The following CCNT2 variants were observed in gnomAD, a reference collection of about 807,000 sequenced individuals.
CCNT2 encodes the protein cyclin T2, also known as cyclin-T2.
CCNT2 carries 18 observed loss-of-function variants against 70.0 expected under a neutral mutation model. That is an observed-to-expected ratio of 0.26 (90% CI 0.18 to 0.38). CCNT2 has a LOEUF of 0.38. Ranked by LOEUF, CCNT2 falls within the 10% of genes least tolerant of loss-of-function variation. The probability of loss-of-function intolerance (pLI) is 1.00; values close to 1 mark genes in which losing one functional copy is unlikely to be tolerated. For missense variants in CCNT2, 734 were observed against 890.2 expected (o/e 0.82, Z 2.23); for synonymous variants, 334 against 313.3 (o/e 1.07, Z -0.70).
chr2:134,943,699 A>G (rs1390730137), intron 5 of CCNT2: 2 of 985,008 alleles, frequency 2.0e-6, no homozygotes, highest in Non-Finnish European at 2.4e-6. Context: ...TTGTATCCCT[A>G]GAAATATTTT....
rs1276534821 is a variant in CCNT2, at chr2:134,953,353, A to G, written c.898A>G (p.Ser300Gly). Residue 300 changes from serine (S) to glycine (G), a missense_variant, in exon 9 of 9, where the codon AGT becomes GGT. Ser to Gly is a moderately conservative substitution (Grantham distance 56, BLOSUM62 0). This residue lies in a region of CCNT2 where 532 missense variants were observed against 556.9 expected (regional missense o/e 0.96). Transcript: ENST00000264157. The part of the protein sequence containing the change: ...DSVTGVPTNP[S>G]FQKPSTSAFP... ...TGTCACTGGTGTGCCTACAAACCCAAGTTTTCAGAAACCATCTACATCAGC... is the reference window on the plus strand; with the variant it reads ...TGTCACTGGTGTGCCTACAAACCCAGGTTTTCAGAAACCATCTACATCAGC... The G allele has an allele frequency of 1.2e-6, 2 of 1,605,732 alleles. No individual in the cohort carries two copies. Among genetic ancestry groups the G allele is most frequent in the Middle Eastern group, 1.6e-4 (1 of 6,082 alleles).
chr2:134,950,817 T>C (rs943720757), intron 7 of CCNT2, among the ~76,000 whole-genome samples: 9 of 152,218 alleles, frequency 5.9e-5, no homozygotes, highest in Admixed American at 5.9e-4. Flanking sequence ...TTTGTGCATA[T>C]AGCTAATTAA....
intron 5 of CCNT2, chr2:134,943,357 T>A (rs1252353011): frequency 1.2e-6 from 1 of 806,968 alleles, no homozygotes; most frequent in South Asian, 5.6e-5. Context: ...GCCCAGATCA[T>A]GCCCCTGCAC....
chr2:134,921,908 G>A (rs1252796157), intron 2 of CCNT2, among the ~76,000 whole-genome samples: 10 of 152,124 alleles, frequency 6.6e-5, no homozygotes, highest in Admixed American at 6.5e-4. Context: ...AGTAATAATT[G>A]AAATCTGTTC....
chr2:134,939,192 G>A, intron 4 of CCNT2, 130 bp downstream of exon 4: 3 of 635,924 alleles, frequency 4.7e-6, no homozygotes, highest in Non-Finnish European at 8.2e-6. Flanking sequence ...GACAGAATAA[G>A]GTTGCCTGGT....
At chr2:134,946,333 A>G in intron 6 of CCNT2, 187 bp downstream of exon 6, 1 of 1,213,142 alleles carries the variant, frequency 8.2e-7, no homozygotes, top group Non-Finnish European at 1.1e-6. Flanking sequence ...GGTTAAATGC[A>G]CAATGTGAAG....
chr2:134,950,482 T>C (rs1682402457), intron 7 of CCNT2, among the ~76,000 whole-genome samples: 2 of 151,980 alleles, frequency 1.3e-5, no homozygotes, highest in East Asian at 3.9e-4. Context: ...CTACTAAAAA[T>C]ACACACAAAC....
Position 134,947,814 on chromosome 2 carries a change from GT to G in CCNT2, c.619del (p.Ser207ProfsTer24). The G allele has an allele frequency of 6.4e-7, 1 of 1,562,292 alleles. No homozygotes were observed. On this transcript the variant is annotated frameshift_variant, in exon 7 of 9. Transcript: ENST00000264157. LOFTEE classifies it high-confidence loss of function. ...TATGCATTCATTTGGCTTGCAAATGGTCCAATTGGGAGATCCCTGTATCAAC... is the reference window on the plus strand; with the variant it reads ...TATGCATTCATTTGGCTTGCAAATGGCCAATTGGGAGATCCCTGTATCAAC... ...CVCIHLACKW[S>X]NWEIPVSTDG...
rs1325657143 is a variant in CCNT2 at position 134,919,858 on chromosome 2, T to C, written c.207T>C (p.Tyr69=). The C allele has an allele frequency of 1.2e-6, 2 of 1,613,066 alleles. No homozygotes were observed. Among genetic ancestry groups the C allele is most frequent in the East Asian group, 2.2e-5 (1 of 44,842 alleles). The part of the protein sequence containing the change: ...NTAIVYMHRF[Y]MHHSFTKFNK... The stretch of plus-strand genomic sequence containing the variant: ...CGATTGTTTATATGCACAGGTTTTA[T>C]ATGCACCATTCTTTCACCAAATTCA... The change falls in exon 2 of 9, where the codon TAT becomes TAC. Residue 69 remains tyrosine (Y), a synonymous_variant. Transcript: ENST00000264157.
chr2:134,950,957 A>C (rs541235308), intron 7 of CCNT2, among the ~76,000 whole-genome samples: 3 of 152,352 alleles, frequency 2.0e-5, no homozygotes, highest in South Asian at 4.1e-4. Flanking sequence ...AAGTGTATTT[A>C]ATGTTTTACA....
intron 7 of CCNT2, among the ~76,000 whole-genome samples, chr2:134,949,158 C>A (rs1457076427): frequency 1.3e-5 from 2 of 152,120 alleles, no homozygotes; most frequent in Non-Finnish European, 2.9e-5. Flanking sequence ...GGAGCTGGGA[C>A]CATAGGCGCA....
In CCNT2 at chr2:134,924,006, A is replaced by G. The variant is rs78075833; in HGVS notation, c.240+4115A>G. On this transcript the variant is annotated intron_variant, in intron 2 of 8. Coordinates refer to ENST00000264157, the MANE Select transcript of CCNT2 (RefSeq NM_058241.3). ...ATAAGTCCCAAATTCCTCTTTTTCA[A>G]CTATACATCAGTGTTAGCATTTATG... 2.3e-3 allele frequency among the ~76,000 whole-genome samples: 347 copies of G among 152,306 alleles called. 1 individual carries two copies. The highest frequency in any genetic ancestry group is 7.8e-3 in the African/African-American group (322 of 41,548).
rs553568736 is a variant in CCNT2 at position 134,922,781 on chromosome 2, G to T, written c.240+2890G>T. Among the ~76,000 whole-genome samples, 34 of 152,272 alleles carry T rather than the reference G, an allele frequency of 2.2e-4. No homozygotes were observed. The South Asian group carries it at 3.1e-3, about 14-fold the overall frequency. On this transcript the variant is annotated intron_variant, in intron 2 of 8. Coordinates refer to ENST00000264157, the MANE Select transcript of CCNT2 (RefSeq NM_058241.3). Reference sequence around the variant, plus strand: ...TTACAAACTCCTAATTTGGTCTTTTGTGATGCATTTTTTTTCTTATACCAG... The same window carrying T: ...TTACAAACTCCTAATTTGGTCTTTTTTGATGCATTTTTTTTCTTATACCAG...
intron 2 of CCNT2, among the ~76,000 whole-genome samples, chr2:134,936,029 A>G (rs888586592): frequency 2.0e-5 from 3 of 151,992 alleles, no homozygotes; most frequent in African/African-American, 4.8e-5. Context: ...TATCTTCACT[A>G]TCTTGTGTGG....
At chr2:134,947,494 ATT>A (rs1455425413) in intron 6 of CCNT2, among the ~76,000 whole-genome samples, 4 of 152,268 alleles carry the variant, frequency 2.6e-5, no homozygotes, top group African/African-American at 9.6e-5. Flanking sequence ...TAAAAACAAA[ATT>A]TTAAATATTA....
intron 5 of CCNT2, chr2:134,943,456 A>G (rs898702856): frequency 1.0e-6 from 1 of 985,238 alleles, no homozygotes; most frequent in Non-Finnish European, 1.2e-6. Context: ...CATTTGGGCA[A>G]TCTAAAATTG....
At chr2:134,938,025 A>G (rs953403873) in intron 3 of CCNT2, among the ~76,000 whole-genome samples, 2 of 152,216 alleles carry the variant, frequency 1.3e-5, no homozygotes, top group South Asian at 2.1e-4. Flanking sequence ...TTAAGCTTCA[A>G]TGGAACTATA....
chr2:134,922,507 G>A (rs1679986798), intron 2 of CCNT2, among the ~76,000 whole-genome samples: 1 of 152,152 alleles, frequency 6.6e-6, no homozygotes, highest in South Asian at 2.1e-4. Flanking sequence ...CAGTTACTCA[G>A]AGTTGAATAG....
intron 2 of CCNT2, among the ~76,000 whole-genome samples, chr2:134,925,840 T>G (rs1680255141): frequency 6.6e-6 from 1 of 151,102 alleles, no homozygotes; most frequent in South Asian, 2.1e-4. Flanking sequence ...CCAATAATAT[T>G]GGAAACTTGG....
Sources: allele counts gnomAD v4.1 joint callset (sites outside exome capture counted in the v4.1 genomes callset), GRCh38; gene constraint gnomAD v4.1.1; regional missense constraint gnomAD v4.1.1; transcripts MANE v1.5; gene names NCBI Gene and HGNC (gene_info 2026-07-23, HGNC 2026-07-21).